Variants in KIF25 observed in about 807,000 individuals in gnomAD.
KIF25 encodes the protein kinesin family member 25.
KIF25 carries 19 observed loss-of-function variants against 32.9 expected under a neutral mutation model. The observed-to-expected ratio is 0.58, with a 90% CI of 0.40 to 0.85. KIF25 has a LOEUF of 0.85. Ranked by LOEUF, KIF25 falls within the 40% of genes least tolerant of loss-of-function variation. The pLI is 0.00. For missense variants in KIF25, 485 were observed against 507.0 expected (o/e 0.96, Z 0.42); for synonymous variants, 225 against 213.7 (o/e 1.05, Z -0.46).
chr6:168,028,856 T>C (rs1327061780), intron 5 of KIF25, among the ~76,000 whole-genome samples: 1 of 152,256 alleles, frequency 6.6e-6, no homozygotes, highest in African/African-American at 2.4e-5. Flanking sequence ...CTATCACTGA[T>C]AGAGTCTCAT....
intron 4 of KIF25, among the ~76,000 whole-genome samples, chr6:168,012,892 G>A (rs1798666907): frequency 6.6e-6 from 1 of 152,126 alleles, no homozygotes; most frequent in South Asian, 2.1e-4. Flanking sequence ...TCTGCCAGGG[G>A]TGACCTGTGT....
intron 5 of KIF25, among the ~76,000 whole-genome samples, chr6:168,021,041 G>A (rs1798780786): frequency 6.6e-6 from 1 of 152,180 alleles, no homozygotes; most frequent in Non-Finnish European, 1.5e-5. Context: ...TTGGGAAAAG[G>A]ACAGAGTTGG....
chr6:168,015,190 G>GGGA (rs1798697905), intron 4 of KIF25, among the ~76,000 whole-genome samples: 2 of 152,168 alleles, frequency 1.3e-5, no homozygotes, highest in Admixed American at 6.5e-5. Context: ...CACGGAGCTT[G>GGGA]TAGATGTGCA....
At chr6:168,041,112 G>A (rs1799112540) in intron 10 of KIF25, among the ~76,000 whole-genome samples, 1 of 152,228 alleles carries the variant, frequency 6.6e-6, no homozygotes, top group African/African-American at 2.4e-5. Flanking sequence ...TGAGACTGTA[G>A]TCCCATCAAA....
At chr6:168,025,497 T>C (rs1346476512) in intron 5 of KIF25, among the ~76,000 whole-genome samples, 4 of 152,188 alleles carry the variant, frequency 2.6e-5, no homozygotes. Flanking sequence ...TGCTGGATGA[T>C]GGCTGAACCG....
rs200000338 is a variant in KIF25, at chr6:168,035,461, C to CG, written c.317+1438dup. On this transcript the variant is annotated intron_variant, in intron 8 of 12. Coordinates refer to ENST00000643607, the MANE Select transcript of KIF25 (RefSeq NM_030615.4). ...GGCGGAGGAGGCGGGAACGGCGCTG[C>CG]GGGGGGGGCGGGAACGGTGCTGAGG... Among the ~76,000 whole-genome samples the CG allele has an allele frequency of 2.1e-3, 144 of 68,926 alleles. 3 individuals are homozygous for CG. The highest frequency in any genetic ancestry group is 8.0e-3 in the African/African-American group (103 of 12,948). 45.2% of individuals were successfully genotyped at this position (68,926 alleles called of 152,430 possible).
chr6:168,007,974 C>CA (rs1162268362), intron 4 of KIF25, among the ~76,000 whole-genome samples: 1 of 152,204 alleles, frequency 6.6e-6, no homozygotes, highest in African/African-American at 2.4e-5. Flanking sequence ...CCTACTGCAT[C>CA]ACTCTTATCT....
intron 5 of KIF25, among the ~76,000 whole-genome samples, chr6:168,021,535 C>T (rs901486715): frequency 1.3e-5 from 2 of 152,208 alleles, no homozygotes. Context: ...GAAAAATATA[C>T]CTGACATAAA....
intron 5 of KIF25, among the ~76,000 whole-genome samples, chr6:168,020,418 G>A (rs1000905711): frequency 4.6e-5 from 7 of 152,012 alleles, no homozygotes; most frequent in Non-Finnish European, 7.4e-5. Flanking sequence ...AGTGTACAAC[G>A]GATTCTGTCC....
At position 168,044,951 on chromosome 6, in the gene KIF25, G is replaced by A. The variant is rs1799198599; in HGVS notation, c.1110G>A (p.Lys370=). 2 of 1,610,482 alleles carry A rather than the reference G, an allele frequency of 1.2e-6. No homozygotes were observed. Among genetic ancestry groups the A allele is most frequent in the South Asian group, 1.1e-5 (1 of 90,898 alleles). ...AAGTCCAGCGAGGCCCTGCCCGAAA[G>A]AAGCCGCCCAGCTCCCAAACGGAGG... The part of the protein sequence containing the change: ...ARQVQRGPAR[K]KPPSSQTEGK... The change falls in exon 13 of 13, where the codon AAG becomes AAA. Residue 370 remains lysine (K), a synonymous_variant. Coordinates refer to ENST00000643607, the MANE Select transcript of KIF25 (RefSeq NM_030615.4).
At chr6:168,024,419 CTCTCTTT>C (rs1798830212) in intron 5 of KIF25, among the ~76,000 whole-genome samples, 1 of 132,068 alleles carries the variant, frequency 7.6e-6, no homozygotes, top group African/African-American at 2.9e-5. Context: ...GTAAAAACCT[CTCTCTTT>C]TTTTTTTTTT....
intron 4 of KIF25, among the ~76,000 whole-genome samples, chr6:168,007,046 A>G (rs1272018191): frequency 6.6e-6 from 1 of 152,220 alleles, no homozygotes. Flanking sequence ...TATACATTCG[A>G]CATCTACAAC....
At chr6:168,042,818 C>A (rs762452837) in intron 12 of KIF25, 102 bp downstream of exon 12, 2 of 1,330,136 alleles carry the variant, frequency 1.5e-6, no homozygotes, top group Non-Finnish European at 2.1e-6. Context: ...CCCATGCACC[C>A]CCTGCACCTC....
chr6:168,008,687 A>G (rs931319121), intron 4 of KIF25, among the ~76,000 whole-genome samples: 29 of 152,246 alleles, frequency 1.9e-4, no homozygotes, highest in Non-Finnish European at 3.5e-4. Context: ...AACAATTTTA[A>G]TTCTTCCAAT....
At chr6:168,006,865 C>T (rs73040818) in intron 4 of KIF25, among the ~76,000 whole-genome samples, 3,059 of 152,216 alleles carry the variant, frequency 0.02, 32 homozygotes, top group Non-Finnish European at 0.03. Context: ...TTTTAGTTAA[C>T]GGACTGATAG....
chr6:168,031,326 C>G (rs1022758175), intron 7 of KIF25, among the ~76,000 whole-genome samples: 1 of 152,134 alleles, frequency 6.6e-6, no homozygotes, highest in African/African-American at 2.4e-5. Flanking sequence ...TTAATGGAGA[C>G]ACCTTAAGCC....
rs1200653455 is a variant in KIF25 at position 167,999,255 on chromosome 6, T to G, written c.-435T>G. The stretch of plus-strand genomic sequence containing the variant: ...AGGAGCTGAAACGAAATATCAGAGT[T>G]CACTGTCGGATTCGTCCTTTGTTGC... On this transcript the variant is annotated 5_prime_UTR_variant, in exon 2 of 13. Coordinates refer to ENST00000643607, the MANE Select transcript of KIF25 (RefSeq NM_030615.4). The G allele has an allele frequency of 1.3e-5, 2 of 152,266 alleles. No individual in the cohort carries two copies. Among genetic ancestry groups the G allele is most frequent in the African/African-American group, 4.8e-5 (2 of 41,460 alleles). 9.4% of individuals were successfully genotyped at this position (152,266 alleles called of 1,614,324 possible). A position where few individuals can be genotyped will look rare whatever the true frequency, so the allele number is the denominator to read the frequency against.
rs562157549 is a variant in KIF25 at position 168,002,058 on chromosome 6, C to G, written c.-369-485C>G. On this transcript the variant is annotated intron_variant, in intron 2 of 12. Coordinates refer to ENST00000643607, the MANE Select transcript of KIF25 (RefSeq NM_030615.4). Reference sequence around the variant, plus strand: ...TGAGAAGACACCTGAGGCATGGCCTCGGGCAGGTGAGAAGACACCTTCAGG... The same window carrying G: ...TGAGAAGACACCTGAGGCATGGCCTGGGGCAGGTGAGAAGACACCTTCAGG... 9.1e-3 allele frequency among the ~76,000 whole-genome samples: 992 copies of G among 108,416 alleles called. 8 individuals are homozygous for G. The highest frequency in any genetic ancestry group is 0.032 in the African/African-American group (928 of 28,820). 71.1% of individuals were successfully genotyped at this position (108,416 alleles called of 152,430 possible). A position where few individuals can be genotyped will look rare whatever the true frequency, so the allele number is the denominator to read the frequency against.
intron 8 of KIF25, among the ~76,000 whole-genome samples, chr6:168,037,745 C>T (rs950825481): frequency 2.0e-5 from 3 of 151,770 alleles, no homozygotes; most frequent in Admixed American, 1.3e-4. Context: ...ATAAGATGTG[C>T]AGCTGCTTTT....
Sources: gnomAD v4.1 joint callset for allele counts (sites outside exome capture counted in the v4.1 genomes callset) on GRCh38, gnomAD v4.1.1 for gene constraint, MANE v1.5 for transcripts, NCBI Gene and HGNC (gene_info 2026-07-23, HGNC 2026-07-21) for gene names.